FASTK: variants seen among roughly 807,000 people sequenced by gnomAD.
The protein encoded by FASTK is Fas activated serine/threonine kinase.
FASTK carries 28 observed loss-of-function variants against 60.0 expected under a neutral mutation model. The ratio of observed to expected loss-of-function variants is 0.47; its 90% confidence interval spans 0.35 to 0.64. FASTK has a LOEUF of 0.64. FASTK is among the 30% of genes least tolerant of loss of function. FASTK has a pLI of 0.01. For missense variants in FASTK, 595 were observed against 713.8 expected, an observed-to-expected ratio of 0.83 and a Z score of 1.90; for synonymous variants, 325 against 307.9, an observed-to-expected ratio of 1.06 and a Z score of -0.58.
Position 151,077,204 on chromosome 7 carries a change from C to T in FASTK, c.1324G>A (p.Val442Met). Residue 442 changes from valine (V) to methionine (M), a missense_variant, in exon 8 of 10, where the codon GTG (valine) becomes ATG (methionine). By Grantham distance (21) the Val-to-Met change is conservative (BLOSUM62 1). This residue lies in a region of FASTK where 471 missense variants were observed against 605.9 expected (regional missense o/e 0.78). Coordinates refer to ENST00000297532, the MANE Select transcript of FASTK (RefSeq NM_006712.5). Reference sequence around the variant, plus strand: ...GGGTCCTGGGTCCTCACGGGAAGCACAGCACCAGAGCTGCTGGCGCACAGC... The same window carrying T: ...GGGTCCTGGGTCCTCACGGGAAGCATAGCACCAGAGCTGCTGGCGCACAGC... ...FLLCASSSGA[V>M]LPVRTQDPFL... The T allele has an allele frequency of 6.2e-7, 1 of 1,612,930 alleles. No individual in the cohort carries two copies. Among genetic ancestry groups the T allele is most frequent in the Non-Finnish European group, 8.5e-7 (1 of 1,179,664 alleles).
chr7:151,077,284 G>C (rs761368870), intron 7 of FASTK, 26 bp downstream of exon 7: 3 of 1,612,160 alleles, frequency 1.9e-6, no homozygotes, highest in East Asian at 4.5e-5. Flanking sequence ...CCGTCTCCCC[G>C]GGCCTGCCGC....
intron 1 of FASTK, chr7:151,080,470 C>G: frequency 7.8e-7 from 1 of 1,280,188 alleles, no homozygotes. Flanking sequence ...GGCTTCGTCT[C>G]TCTAAGTCTC....
chr7:151,079,218 C>T (rs1797843064), intron 2 of FASTK, 197 bp from the exon 3 acceptor site: 1 of 588,018 alleles, frequency 1.7e-6, no homozygotes, highest in Non-Finnish European at 2.9e-6. Flanking sequence ...GTAGGGAGTA[C>T]ATACAAAGAT....
chr7:151,079,314 C>T, intron 2 of FASTK, 186 bp downstream of exon 2: 1 of 640,706 alleles, frequency 1.6e-6, no homozygotes, highest in Non-Finnish European at 2.6e-6. Flanking sequence ...TGGGGTGGCA[C>T]CCTAGCGAGG....
Position 151,079,662 on chromosome 7 carries a change from A to G in FASTK, c.343T>C (p.Ser115Pro). The part of the protein sequence containing the change: ...NPSKVRAHHY[S>P]VALRRLGQLL... ...TGGCCCAGACGACGAAGCGCCACCG[A>G]GTAGTGGTGGGCGCGCACCTTGCTG... The change falls in exon 2 of 10, where the codon TCG (serine) becomes CCG (proline). Residue 115 changes from serine (S) to proline (P), a missense_variant. This residue lies in a region of FASTK where 471 missense variants were observed against 605.9 expected (regional missense o/e 0.78). Transcript: ENST00000297532. 6.2e-7 allele frequency: 1 copy of G among 1,612,650 alleles called. No individual in the cohort carries two copies. The highest frequency in any genetic ancestry group is 1.7e-4 in the Middle Eastern group (1 of 6,058).
In FASTK at chr7:151,080,776, A is replaced by C. The variant is rs904621256; in HGVS notation, c.-10T>G. On this transcript the variant is annotated 5_prime_UTR_variant, in exon 1 of 10. Coordinates refer to ENST00000297532, the MANE Select transcript of FASTK (RefSeq NM_006712.5). ...CCCGCGGCCTCCTCATCGGCTAGCC[A>C]CCGAGTCCGCCATCTTCCCAGCAGC... is the stretch of plus-strand genomic sequence containing the variant. The C allele has an allele frequency of 4.7e-6, 6 of 1,275,742 alleles. No individual in the cohort carries two copies. Among genetic ancestry groups the C allele is most frequent in the Non-Finnish European group, 5.9e-6 (6 of 1,008,828 alleles). The allele number at this position is 1,275,742 out of a possible 1,614,324, so 79.0% of individuals were successfully genotyped here. A position where few individuals can be genotyped will look rare whatever the true frequency, so the allele number is the denominator to read the frequency against.
At chr7:151,079,110 C>T in intron 2 of FASTK, 89 bp from the exon 3 acceptor site, 1 of 1,207,382 alleles carries the variant, frequency 8.3e-7, no homozygotes, top group Non-Finnish European at 1.1e-6. Context: ...CCACCTTTCT[C>T]CTCTCCCGTT....
In FASTK at chr7:151,076,688, C is replaced by G. The variant is rs753927811; in HGVS notation, c.*37G>C. On this transcript the variant is annotated 3_prime_UTR_variant, in exon 10 of 10. Transcript: ENST00000297532. Reference sequence around the variant, plus strand: ...GAACCAAAGTGCAAATCATCCACCCCCCATGGGGGGGCCATCCTGAACCCC... The same window carrying G: ...GAACCAAAGTGCAAATCATCCACCCGCCATGGGGGGGCCATCCTGAACCCC... 3.7e-6 allele frequency: 5 copies of G among 1,349,170 alleles called. No individual in the cohort carries two copies. Among genetic ancestry groups the G allele is most frequent in the South Asian group, 1.4e-5 (1 of 72,976 alleles). 83.6% of individuals were successfully genotyped at this position (1,349,170 alleles called of 1,614,324 possible). A position where few individuals can be genotyped will look rare whatever the true frequency, so the allele number is the denominator to read the frequency against.
chr7:151,080,457 A>C, intron 1 of FASTK: 1 of 1,259,802 alleles, frequency 7.9e-7, no homozygotes, highest in South Asian at 2.7e-5. Flanking sequence ...ACCTTGGACA[A>C]GTGGCTTCGT....
In FASTK at chr7:151,078,088, AC is replaced by A. The variant is rs769053534; in HGVS notation, c.829del (p.Val277TyrfsTer11). The part of the protein sequence containing the change: ...VQETQLSSKV[V>X]QKLVLPFGRL... ...CCCAAAGGGCAGGACCAACTTCTGTACCACCTGTGGAGGAAGAGCAGTTCAT... is the reference window on the plus strand; with the variant it reads ...CCCAAAGGGCAGGACCAACTTCTGTACACCTGTGGAGGAAGAGCAGTTCAT... On this transcript the variant is annotated frameshift_variant, in exon 5 of 10. Coordinates refer to ENST00000297532, the MANE Select transcript of FASTK (RefSeq NM_006712.5). LOFTEE classifies it high-confidence loss of function. 1 of 1,587,266 alleles carries A rather than the reference AC, an allele frequency of 6.3e-7. No homozygotes were observed. The highest frequency in any genetic ancestry group is 1.3e-5 in the African/African-American group (1 of 74,508).
intron 2 of FASTK, 158 bp downstream of exon 2, chr7:151,079,342 G>T (rs1354039001): frequency 2.7e-6 from 2 of 734,938 alleles, no homozygotes; most frequent in East Asian, 2.8e-5. Context: ...GAGTGCGTTC[G>T]ACTCATGATG....
chr7:151,079,834 T>G lies in FASTK; in HGVS notation c.171A>C (p.Pro57=). 1.2e-6 allele frequency: 2 copies of G among 1,603,108 alleles called. No individual in the cohort carries two copies. Among genetic ancestry groups the G allele is most frequent in the South Asian group, 1.1e-5 (1 of 89,086 alleles). The change falls in exon 2 of 10, where the codon CCA becomes CCC. Residue 57 remains proline (P), a synonymous_variant. Transcript: ENST00000297532. ...TGGGCCCCAAACAGCAGGGCTGTACTGGAGGGATCAGCAGCAGGCCAGACA... is the reference window on the plus strand; with the variant it reads ...TGGGCCCCAAACAGCAGGGCTGTACGGGAGGGATCAGCAGCAGGCCAGACA... The part of the protein sequence containing the change: ...ARLSGLLLIP[P]VQPCCLGPSK...
chr7:151,079,276 T>A (rs1380043103), intron 2 of FASTK: 1 of 589,910 alleles, frequency 1.7e-6, no homozygotes, highest in African/African-American at 1.9e-5. Context: ...TTATGGTGGC[T>A]TCCTAGGGCA....
Position 151,080,676 on chromosome 7 carries a change from C to T in FASTK, c.82+9G>A. 2 of 1,438,982 alleles carry T rather than the reference C, an allele frequency of 1.4e-6. No homozygotes were observed. Among genetic ancestry groups the T allele is most frequent in the East Asian group, 3.0e-5 (1 of 32,834 alleles). 89.1% of individuals were successfully genotyped at this position (1,438,982 alleles called of 1,614,324 possible). On this transcript the variant is annotated intron_variant, in intron 1 of 9. Transcript: ENST00000297532. ...CTCCCGCAGCCCTCCCCGCAGGCGC[C>T]ACCCCTACATGACTCCCCGGGCCCT...
rs778520792 is a variant in FASTK at position 151,076,948 on chromosome 7, G to A, written c.1507C>T (p.Arg503Trp). Residue 503 changes from arginine to tryptophan, a missense_variant, in exon 9 of 10, where the codon CGG (arginine) becomes TGG (tryptophan). Transcript: ENST00000297532. ...VLLGSRALRE[R>W]HLGLMGYQLL... ...TGGTAGCCCATCAGGCCTAGGTGCC[G>A]CTCCCTCAGGGCCCTCGAGCCCAGC... 3.7e-6 allele frequency: 6 copies of A among 1,611,354 alleles called. No homozygotes were observed. The highest frequency in any genetic ancestry group is 5.1e-6 in the Non-Finnish European group (6 of 1,179,250).
rs377539511 is a variant in FASTK at position 151,079,489 on chromosome 7, C to T, written c.505+11G>A. 4.4e-5 allele frequency: 70 copies of T among 1,576,250 alleles called. No individual in the cohort carries two copies. In the African/African-American group the frequency reaches 8.0e-4, roughly 18 times the overall value. ...TAGCCCCCCAGGCGCCCACCTCAAGCCCCTCCTCACCAAGTAAGACTGCAA... is the reference window on the plus strand; with the variant it reads ...TAGCCCCCCAGGCGCCCACCTCAAGTCCCTCCTCACCAAGTAAGACTGCAA... On this transcript the variant is annotated intron_variant, in intron 2 of 9. Coordinates refer to ENST00000297532, the MANE Select transcript of FASTK (RefSeq NM_006712.5).
In FASTK at chr7:151,078,889, G is replaced by A; in HGVS notation, c.638C>T (p.Pro213Leu). 1 of 1,603,224 alleles carries A rather than the reference G, an allele frequency of 6.2e-7. No individual in the cohort carries two copies. Among genetic ancestry groups the A allele is most frequent in the Non-Finnish European group, 8.5e-7 (1 of 1,176,684 alleles). Residue 213 changes from proline to leucine, a missense_variant, in exon 3 of 10, where the codon CCC becomes CTC. Transcript: ENST00000297532. ...GQGLEAALSC[P>L]RFLRYPRQHL... The stretch of plus-strand genomic sequence containing the variant: ...CTGCCGTGGATACCGCAGAAAACGG[G>A]GGCAGCTTAGAGCAGCTTCCAACCC...
intron 1 of FASTK, 53 bp from the exon 2 acceptor site, chr7:151,079,975 C>A: frequency 6.9e-7 from 1 of 1,443,160 alleles, no homozygotes; most frequent in South Asian, 1.3e-5. Flanking sequence ...GGGAGAAAGA[C>A]CTGCTACCTA....
intron 2 of FASTK, 66 bp from the exon 3 acceptor site, chr7:151,079,087 C>T (rs1797836696): frequency 7.4e-7 from 1 of 1,349,752 alleles, no homozygotes; most frequent in East Asian, 2.8e-5. Context: ...CATGGGGTTA[C>T]TTGGTGAATT....
Sources: gnomAD v4.1 joint callset for allele counts on GRCh38, gnomAD v4.1.1 for gene constraint, gnomAD v4.1.1 regional missense constraint, MANE v1.5 for transcripts, NCBI Gene and HGNC (gene_info 2026-07-23, HGNC 2026-07-21) for gene names.